Variants in WRN observed in about 807,000 individuals in gnomAD.
WRN encodes WRN RecQ like helicase.
In WRN, 149 loss-of-function variants were observed where a neutral mutation model predicts 180.7. That is an observed-to-expected ratio of 0.82 (90% CI 0.72 to 0.94). The LOEUF (loss-of-function observed/expected upper bound fraction) is 0.94, where lower values mean the gene tolerates loss of function less well. Among genes scored for constraint, WRN ranks in the 40% least tolerant of loss-of-function variants. WRN has a pLI of 0.00. For synonymous variants in WRN, 548 were observed against 568.9 expected, an observed-to-expected ratio of 0.96 and a Z score of 0.52; for missense variants, 1,661 against 1,700.1, an observed-to-expected ratio of 0.98 and a Z score of 0.40.
At chr8:31,170,019 G>C (rs1416270354) in intron 34 of WRN, among the ~76,000 whole-genome samples, 1 of 152,036 alleles carries the variant, frequency 6.6e-6, no homozygotes, top group African/African-American at 2.4e-5. Flanking sequence ...GTATGCCTGT[G>C]GGCTATCTTG....
chr8:31,102,862 A>T (rs1800936370), intron 18 of WRN, among the ~76,000 whole-genome samples: 1 of 152,164 alleles, frequency 6.6e-6, no homozygotes, highest in African/African-American at 2.4e-5. Context: ...GTTTACTGTA[A>T]CTTTAATTCA....
At chr8:31,133,384 CT>C (rs199651843) in intron 24 of WRN, among the ~76,000 whole-genome samples, 2,159 of 152,146 alleles carry the variant, frequency 0.014, 25 homozygotes, top group Admixed American at 0.02. Flanking sequence ...CATGTAAATA[CT>C]TTCTGAGTTT....
At chr8:31,093,864 C>CT (rs559092811) in intron 16 of WRN, among the ~76,000 whole-genome samples, 30 of 152,220 alleles carry the variant, frequency 2.0e-4, no homozygotes, top group African/African-American at 6.5e-4. Flanking sequence ...TTTATGTGCT[C>CT]TTTTTTGTCT....
chr8:31,136,559 A>C (rs1045200686), intron 24 of WRN, among the ~76,000 whole-genome samples: 2 of 152,220 alleles, frequency 1.3e-5, no homozygotes, highest in African/African-American at 4.8e-5. Flanking sequence ...TGCCCAATGG[A>C]CATGGTAGCT....
intron 21 of WRN, among the ~76,000 whole-genome samples, chr8:31,122,115 G>A (rs943588893): frequency 1.5e-4 from 23 of 151,944 alleles, no homozygotes; most frequent in Non-Finnish European, 3.1e-4. Context: ...ATCTCATTAA[G>A]ATTTAACAGG....
chr8:31,161,420 C>T (rs1803610674), intron 33 of WRN, among the ~76,000 whole-genome samples: 1 of 152,144 alleles, frequency 6.6e-6, no homozygotes, highest in African/African-American at 2.4e-5. Context: ...CGGTATAGCT[C>T]CTGTCTTCAA....
At position 31,058,355 on chromosome 8, in the gene WRN, A is replaced by T. The variant is rs1036117223; in HGVS notation, c.-76-17A>T. On this transcript the variant is annotated splice_polypyrimidine_tract_variant and intron_variant, in intron 1 of 34. Transcript: ENST00000298139. ...GTATGTTTGGTTTTCATTCATATTG[A>T]CAGTACTACCTCTCAGTTTTCTTTC... 5 of 1,040,120 alleles carry T rather than the reference A, an allele frequency of 4.8e-6. No homozygotes were observed. In the African/African-American group the frequency reaches 7.9e-5, roughly 17 times the overall value. The allele number at this position is 1,040,120 out of a possible 1,614,324, so 64.4% of individuals were successfully genotyped here. A position where few individuals can be genotyped will look rare whatever the true frequency, so the allele number is the denominator to read the frequency against.
At position 31,067,196 on chromosome 8, in the gene WRN, G is replaced by C. The variant is rs1215424716; in HGVS notation, c.654+14G>C. On this transcript the variant is annotated intron_variant, in intron 6 of 34. Transcript: ENST00000298139. The stretch of plus-strand genomic sequence containing the variant: ...ACTGATGCTTATGTACGTGCTTAAA[G>C]ATCTTTAGAAATTGTGATGTGTTTT... The C allele has an allele frequency of 1.2e-6, 2 of 1,612,928 alleles. No individual in the cohort carries two copies. The highest frequency in any genetic ancestry group is 1.7e-6 in the Non-Finnish European group (2 of 1,179,798).
chr8:31,141,570 A>G lies in WRN; in HGVS notation c.3108A>G (p.Lys1036=). The change falls in exon 25 of 35, where the codon AAA becomes AAG. Residue 1036 remains lysine, a synonymous_variant. Transcript: ENST00000298139. ...GFLVEVSRYN[K]FMKICALTKK... ...TGGTAGAAGTTTCTCGGTATAACAA[A>G]TTTATGAAGATTTGCGCCCTTACGA... 1 of 1,614,132 alleles carries G rather than the reference A, an allele frequency of 6.2e-7. No individual in the cohort carries two copies. The highest frequency in any genetic ancestry group is 8.5e-7 in the Non-Finnish European group (1 of 1,180,038).
At chr8:31,144,254 C>T (rs1249187250) in intron 28 of WRN, among the ~76,000 whole-genome samples, 1 of 151,946 alleles carries the variant, frequency 6.6e-6, no homozygotes, top group Non-Finnish European at 1.5e-5. Flanking sequence ...CCATTTCTCT[C>T]CCTCTCCTCG....
intron 19 of WRN, among the ~76,000 whole-genome samples, chr8:31,115,751 T>C (rs1241575518): frequency 6.6e-6 from 1 of 152,236 alleles, no homozygotes; most frequent in African/African-American, 2.4e-5. Context: ...TTTATACTTC[T>C]ATGGAAATCG....
Position 31,174,816 on chromosome 8 carries a change from C to T in WRN, c.*1714C>T, listed in dbSNP as rs566483197. On this transcript the variant is annotated 3_prime_UTR_variant, in exon 35 of 35. Coordinates refer to ENST00000298139, the MANE Select transcript of WRN (RefSeq NM_000553.6). ...CTTCCCCTTCCTTCCTTCCTTCCTT[C>T]CTTCCTCCCTCCCTCCCTCCCTCCC... Among the ~76,000 whole-genome samples the T allele has an allele frequency of 1.2e-4, 13 of 104,916 alleles. No individual in the cohort carries two copies. The highest frequency in any genetic ancestry group is 4.3e-4 in the African/African-American group (13 of 30,026). 68.8% of individuals were successfully genotyped at this position (104,916 alleles called of 152,430 possible).
intron 21 of WRN, among the ~76,000 whole-genome samples, chr8:31,124,286 G>T (rs1458792950): frequency 1.3e-5 from 2 of 150,558 alleles, no homozygotes; most frequent in African/African-American, 4.8e-5. Context: ...GACACAGGAA[G>T]AATTTTTTTT....
chr8:31,094,046 A>C (rs1813860717), intron 16 of WRN, among the ~76,000 whole-genome samples: 2 of 152,246 alleles, frequency 1.3e-5, no homozygotes, highest in South Asian at 4.1e-4. Flanking sequence ...TATTACAAAT[A>C]AAACTGCTAT....
intron 24 of WRN, among the ~76,000 whole-genome samples, chr8:31,138,538 C>G (rs940540764): frequency 1.3e-5 from 2 of 152,118 alleles, no homozygotes; most frequent in African/African-American, 4.8e-5. Context: ...TACATTCGAT[C>G]TCTAGACTTG....
intron 20 of WRN, 72 bp from the exon 21 acceptor site, chr8:31,120,171 C>T: frequency 1.3e-6 from 2 of 1,576,500 alleles, no homozygotes; most frequent in Non-Finnish European, 1.7e-6. Context: ...ATTATTCTTA[C>T]AAAAAGGTAT....
intron 1 of WRN, among the ~76,000 whole-genome samples, chr8:31,049,976 A>C (rs1025542055): frequency 6.6e-6 from 1 of 151,994 alleles, no homozygotes; most frequent in African/African-American, 2.4e-5. Context: ...TAATAATGGG[A>C]ATATAATCCC....
chr8:31,048,668 C>T (rs1170848681), intron 1 of WRN, among the ~76,000 whole-genome samples: 7 of 152,028 alleles, frequency 4.6e-5, no homozygotes, highest in Non-Finnish European at 7.4e-5. Flanking sequence ...AAGTTTATTG[C>T]GCTTTCTGTT....
At position 31,120,349 on chromosome 8, in the gene WRN, T is replaced by C. The variant is rs1197212037; in HGVS notation, c.2555T>C (p.Ile852Thr). 2 of 1,612,760 alleles carry C rather than the reference T, an allele frequency of 1.2e-6. No individual in the cohort carries two copies. Among genetic ancestry groups the C allele is most frequent in the African/African-American group, 2.7e-5 (2 of 74,836 alleles). ...GACATGGAATCATATTATCAGGAGA[T>C]TGGTAGAGCTGGTCGTGATGGACTT... ...PKDMESYYQE[I>T]GRAGRDGLQS... The change falls in exon 21 of 35, where the codon ATT becomes ACT. Residue 852 changes from isoleucine to threonine, a missense_variant. Coordinates refer to ENST00000298139, the MANE Select transcript of WRN (RefSeq NM_000553.6).
Sources: gnomAD v4.1 joint callset for allele counts (sites outside exome capture counted in the v4.1 genomes callset) on GRCh38, gnomAD v4.1.1 for gene constraint, MANE v1.5 for transcripts, NCBI Gene and HGNC (gene_info 2026-07-23, HGNC 2026-07-21) for gene names.